Variants in USP37 observed in about 807,000 individuals in gnomAD.
USP37 encodes ubiquitin specific peptidase 37, also known as ubiquitin carboxyl-terminal hydrolase 37.
A neutral mutation model predicts 124.0 loss-of-function variants in USP37; 27 were observed. The observed-to-expected ratio is 0.22, with a 90% CI of 0.16 to 0.30. The LOEUF (loss-of-function observed/expected upper bound fraction) is 0.30. Among genes scored for constraint, USP37 ranks in the 10% least tolerant of loss-of-function variants. The pLI, the probability that USP37 is intolerant of heterozygous loss-of-function variation, is 1.00. For missense variants in USP37, 889 were observed against 1,140.4 expected (o/e 0.78, Z 3.17); for synonymous variants, 365 against 388.0 (o/e 0.94, Z 0.70).
intron 10 of USP37, chr2:218,528,795 A>G: frequency 3.0e-6 from 1 of 333,198 alleles, no homozygotes; most frequent in Non-Finnish European, 5.1e-6. Flanking sequence ...TTTATACCCA[A>G]TAAATCTGAA....
chr2:218,567,258 C>T (rs1045375985), intron 1 of USP37, among the ~76,000 whole-genome samples: 2 of 152,136 alleles, frequency 1.3e-5, no homozygotes, highest in South Asian at 2.1e-4. Context: ...GAATGCAACA[C>T]TACTGATGAC....
rs150960542 is a variant in USP37 at position 218,452,658 on chromosome 2, A to AGT, written c.*2270_*2271dup. The AGT allele has an allele frequency of 2.2e-3, 336 of 152,336 alleles. 3 individuals are homozygous for AGT. Among genetic ancestry groups the AGT allele is most frequent in the African/African-American group, 7.6e-3 (318 of 41,572 alleles). 9.4% of individuals were successfully genotyped at this position (152,336 alleles called of 1,614,324 possible). On this transcript the variant is annotated 3_prime_UTR_variant, in exon 26 of 26. Transcript: ENST00000258399. ...AAGATCAAATCAGGTTTCTGAGGTA[A>AGT]GTGTACTTCTAAACCATACACACAT...
At chr2:218,456,959 G>A in intron 24 of USP37, 133 bp downstream of exon 24, 1 of 866,794 alleles carries the variant, frequency 1.2e-6, no homozygotes, top group Non-Finnish European at 1.7e-6. Context: ...AACAGAGTGA[G>A]ACTGGATCTC....
intron 14 of USP37, among the ~76,000 whole-genome samples, chr2:218,492,218 TAAATAA>T (rs887502621): frequency 1.1e-4 from 17 of 151,728 alleles, no homozygotes; most frequent in African/African-American, 3.4e-4. Flanking sequence ...AATCAGCAAT[TAAATAA>T]AAATAAAAAT....
At chr2:218,476,502 G>A (rs1690989850) in intron 19 of USP37, among the ~76,000 whole-genome samples, 1 of 152,120 alleles carries the variant, frequency 6.6e-6, no homozygotes, top group African/African-American at 2.4e-5. Flanking sequence ...TTGAGCCCAG[G>A]AGAACGATGC....
At position 218,454,688 on chromosome 2, in the gene USP37, A is replaced by T; in HGVS notation, c.*242T>A. 1 of 614,168 alleles carries T rather than the reference A, an allele frequency of 1.6e-6. No individual in the cohort carries two copies. The highest frequency in any genetic ancestry group is 2.6e-6 in the Non-Finnish European group (1 of 381,972). The allele number at this position is 614,168 out of a possible 1,614,324, so 38.0% of individuals were successfully genotyped here. A position where few individuals can be genotyped will look rare whatever the true frequency, so the allele number is the denominator to read the frequency against. ...TATATTTACAACATGTATTCCTAAGACAAAAGAAGTGCCACTCATAGGAGA... is the reference window on the plus strand; with the variant it reads ...TATATTTACAACATGTATTCCTAAGTCAAAAGAAGTGCCACTCATAGGAGA... On this transcript the variant is annotated 3_prime_UTR_variant, in exon 26 of 26. Coordinates refer to ENST00000258399, the MANE Select transcript of USP37 (RefSeq NM_020935.3).
chr2:218,503,535 G>C (rs670695), intron 11 of USP37, among the ~76,000 whole-genome samples: 70,558 of 152,042 alleles, frequency 0.46, 19,547 homozygotes, highest in East Asian at 0.78. Flanking sequence ...GACCAATATG[G>C]AGAAACCTCG....
intron 10 of USP37, among the ~76,000 whole-genome samples, chr2:218,519,385 C>CT (rs1382170408): frequency 6.6e-6 from 1 of 152,210 alleles, no homozygotes; most frequent in Non-Finnish European, 1.5e-5. Context: ...GGCTGGCTTA[C>CT]TTCTAGCTCA....
intron 14 of USP37, among the ~76,000 whole-genome samples, chr2:218,489,764 C>T (rs1272363593): frequency 6.6e-6 from 1 of 152,110 alleles, no homozygotes; most frequent in Admixed American, 6.5e-5. Flanking sequence ...AGGCACCAGC[C>T]ACCACACCTG....
At chr2:218,509,386 T>G (rs1427085647) in intron 11 of USP37, among the ~76,000 whole-genome samples, 1 of 152,128 alleles carries the variant, frequency 6.6e-6, no homozygotes, top group Non-Finnish European at 1.5e-5. Context: ...TTGCGAAGAT[T>G]TAAAATTTAA....
intron 14 of USP37, among the ~76,000 whole-genome samples, chr2:218,494,915 T>G (rs1688988841): frequency 6.6e-6 from 1 of 152,090 alleles, no homozygotes; most frequent in Non-Finnish European, 1.5e-5. Flanking sequence ...AAGAAAATAT[T>G]TTTAGTAAAA....
At chr2:218,474,916 C>T (rs768519105) in intron 19 of USP37, 31 bp from the exon 20 acceptor site, 7 of 1,579,032 alleles carry the variant, frequency 4.4e-6, no homozygotes, top group Non-Finnish European at 6.0e-6. Flanking sequence ...TAGAAGAAAC[C>T]AGAATACCTA....
At chr2:218,464,688 A>C (rs2106410098) in intron 21 of USP37, among the ~76,000 whole-genome samples, 2 of 152,370 alleles carry the variant, frequency 1.3e-5, no homozygotes, top group Admixed American at 1.3e-4. Flanking sequence ...CAGACCTGTA[A>C]GTCAGATCCT....
Position 218,529,911 on chromosome 2 carries a change from A to C in USP37, c.863+45T>G, listed in dbSNP as rs112747327. 6.8e-6 allele frequency: 10 copies of C among 1,477,780 alleles called. No homozygotes were observed. In the African/African-American group the frequency reaches 7.1e-5, roughly 10 times the overall value. The allele number at this position is 1,477,780 out of a possible 1,614,324, so 91.5% of individuals were successfully genotyped here. ...TCCAATCATTCAATATTCTGAAAAA[A>C]AAAGAACTCCTAAGTTTTTCACAAG... On this transcript the variant is annotated intron_variant, in intron 10 of 25. Transcript: ENST00000258399.
intron 11 of USP37, among the ~76,000 whole-genome samples, chr2:218,506,261 T>A (rs1689671616): frequency 6.6e-6 from 1 of 151,562 alleles, no homozygotes; most frequent in African/African-American, 2.4e-5. Flanking sequence ...TTGCCTTTTT[T>A]CTAGTTCAAC....
chr2:218,488,748 G>C (rs189524945), intron 14 of USP37, among the ~76,000 whole-genome samples: 116 of 152,158 alleles, frequency 7.6e-4, no homozygotes, highest in Non-Finnish European at 9.9e-4. Context: ...CGATTCTCCT[G>C]CCTCAGGCTC....
intron 10 of USP37, among the ~76,000 whole-genome samples, chr2:218,527,309 C>T (rs1691034741): frequency 6.6e-6 from 1 of 152,154 alleles, no homozygotes; most frequent in African/African-American, 2.4e-5. Flanking sequence ...ATTTACAGTT[C>T]CAACCCCAAG....
intron 16 of USP37, among the ~76,000 whole-genome samples, chr2:218,482,756 C>T (rs570465725): frequency 6.6e-6 from 1 of 152,170 alleles, no homozygotes; most frequent in Admixed American, 6.5e-5. Context: ...AAACTTTTCC[C>T]CATTTAGAAA....
At chr2:218,527,078 G>A (rs571782485) in intron 10 of USP37, among the ~76,000 whole-genome samples, 2 of 152,218 alleles carry the variant, frequency 1.3e-5, no homozygotes, top group East Asian at 3.9e-4. Context: ...GTGAGCCACC[G>A]CGCCCGGCCT....
Sources: gnomAD v4.1 joint callset for allele counts (sites outside exome capture counted in the v4.1 genomes callset) on GRCh38, gnomAD v4.1.1 for gene constraint, MANE v1.5 for transcripts, NCBI Gene and HGNC (gene_info 2026-07-23, HGNC 2026-07-21) for gene names.